Variants in UBE2G1 observed in about 807,000 individuals in gnomAD.
UBE2G1 encodes the protein ubiquitin-conjugating enzyme E2 G1.
Under a neutral mutation model 22.7 loss-of-function variants are expected in UBE2G1, and 5 were observed. The ratio of observed to expected loss-of-function variants is 0.22; its 90% confidence interval spans 0.12 to 0.46. UBE2G1 has a LOEUF of 0.46. Among genes scored for constraint, UBE2G1 ranks in the 20% least tolerant of loss-of-function variants. UBE2G1 has a pLI of 0.99. For synonymous variants in UBE2G1, 74 were observed against 67.5 expected, an observed-to-expected ratio of 1.10 and a Z score of -0.47; for missense variants, 88 against 203.9, an observed-to-expected ratio of 0.43 and a Z score of 3.46.
intron 1 of UBE2G1, among the ~76,000 whole-genome samples, chr17:4,362,780 T>C (rs1453660430): frequency 6.6e-6 from 1 of 152,146 alleles, no homozygotes; most frequent in East Asian, 1.9e-4. Context: ...CAGAATCGCT[T>C]GAACCTGGGA....
rs546763081 is a variant in UBE2G1, at chr17:4,332,071, T to C, written c.47-24948A>G. On this transcript the variant is annotated intron_variant, in intron 1 of 5. Coordinates refer to ENST00000396981, the MANE Select transcript of UBE2G1 (RefSeq NM_003342.5). Reference sequence around the variant, plus strand: ...CTTCACTGAATGCATTGTTCACTATTAGGCCTCTTGAATCACTGGTATTTG... The same window carrying C: ...CTTCACTGAATGCATTGTTCACTATCAGGCCTCTTGAATCACTGGTATTTG... 7.9e-5 allele frequency: 12 copies of C among 152,344 alleles called. No homozygotes were observed. The South Asian group carries it at 8.3e-4, about 11-fold the overall frequency. The allele number at this position is 152,344 out of a possible 1,614,324, so 9.4% of individuals were successfully genotyped here.
At chr17:4,307,712 CTG>C (rs1491266249) in intron 1 of UBE2G1, among the ~76,000 whole-genome samples, 17 of 152,284 alleles carry the variant, frequency 1.1e-4, no homozygotes, top group Admixed American at 1.0e-3. Flanking sequence ...TGTCGACCCT[CTG>C]AGAGCCACAG....
At chr17:4,358,014 G>C (rs904715326) in intron 1 of UBE2G1, among the ~76,000 whole-genome samples, 1 of 151,522 alleles carries the variant, frequency 6.6e-6, no homozygotes, top group African/African-American at 2.4e-5. Flanking sequence ...AAAAAAAAAA[G>C]CAAGCTGTTT....
Position 4,359,599 on chromosome 17 carries a change from G to A in UBE2G1, c.46+6672C>T, listed in dbSNP as rs557385701. Among the ~76,000 whole-genome samples the A allele has an allele frequency of 1.2e-4, 19 of 152,240 alleles. No individual in the cohort carries two copies. The South Asian group carries it at 3.3e-3, about 27-fold the overall frequency. ...AAAAACTTCTGATTAGACCGGGCGC[G>A]ATGGCTCACGCCTGTAATCCCAACA... On this transcript the variant is annotated intron_variant, in intron 1 of 5. Transcript: ENST00000396981.
rs1968748540 is a variant in UBE2G1, at chr17:4,270,807, A to G, written c.*1747T>C. ...TTCAGAGTAGAGGACAGGGACTTAGAAAAAAATCACTCTCTACTGTGACTA... is the reference window on the plus strand; with the variant it reads ...TTCAGAGTAGAGGACAGGGACTTAGGAAAAAATCACTCTCTACTGTGACTA... On this transcript the variant is annotated 3_prime_UTR_variant, in exon 6 of 6. Coordinates refer to ENST00000396981, the MANE Select transcript of UBE2G1 (RefSeq NM_003342.5). 6.6e-6 allele frequency: 1 copy of G among 152,198 alleles called. No individual in the cohort carries two copies. Among genetic ancestry groups the G allele is most frequent in the Non-Finnish European group, 1.5e-5 (1 of 68,038 alleles). The allele number at this position is 152,198 out of a possible 1,614,324, so 9.4% of individuals were successfully genotyped here.
intron 1 of UBE2G1, among the ~76,000 whole-genome samples, chr17:4,338,979 T>A (rs1567527055): frequency 6.6e-6 from 1 of 152,154 alleles, no homozygotes; most frequent in African/African-American, 2.4e-5. Context: ...CTGGTACCGC[T>A]CGGGAGTAGT....
intron 1 of UBE2G1, among the ~76,000 whole-genome samples, chr17:4,309,615 C>T (rs1301721674): frequency 2.6e-5 from 4 of 152,222 alleles, no homozygotes; most frequent in Admixed American, 1.3e-4. Context: ...GTGCAGCACA[C>T]ACAAATGCAC....
chr17:4,274,965 A>C (rs564586380), intron 5 of UBE2G1, among the ~76,000 whole-genome samples: 37 of 152,350 alleles, frequency 2.4e-4, no homozygotes, highest in Non-Finnish European at 4.6e-4. Flanking sequence ...TCAAGGCTGC[A>C]GTGAGACATG....
At chr17:4,285,586 A>C (rs758725989) in intron 4 of UBE2G1, among the ~76,000 whole-genome samples, 2 of 152,240 alleles carry the variant, frequency 1.3e-5, no homozygotes, top group Non-Finnish European at 2.9e-5. Flanking sequence ...CAAAAGATTC[A>C]ATTGAGAAGA....
intron 1 of UBE2G1, among the ~76,000 whole-genome samples, chr17:4,346,224 C>T (rs1457620906): frequency 6.6e-6 from 1 of 152,080 alleles, no homozygotes; most frequent in Non-Finnish European, 1.5e-5. Flanking sequence ...CAACAATAAC[C>T]ATGAATGCCT....
intron 1 of UBE2G1, chr17:4,345,654 C>A (rs959223934): frequency 6.6e-6 from 1 of 152,162 alleles, no homozygotes; most frequent in African/African-American, 2.4e-5. Flanking sequence ...GTCATAGTAA[C>A]GAGAGATATC....
At chr17:4,363,982 C>G (rs1429111178) in intron 1 of UBE2G1, among the ~76,000 whole-genome samples, 1 of 122,742 alleles carries the variant, frequency 8.1e-6, no homozygotes, top group African/African-American at 3.4e-5. Context: ...AAAAAAGATG[C>G]AGACGGGCAC....
At chr17:4,288,472 C>T (rs566141707) in intron 4 of UBE2G1, among the ~76,000 whole-genome samples, 16 of 152,216 alleles carry the variant, frequency 1.1e-4, no homozygotes, top group Middle Eastern at 3.4e-3. Flanking sequence ...GTGATCCACC[C>T]GCCTCGGCCT....
chr17:4,333,415 G>C (rs893260483), intron 1 of UBE2G1, among the ~76,000 whole-genome samples: 3 of 152,172 alleles, frequency 2.0e-5, no homozygotes, highest in African/African-American at 7.2e-5. Context: ...CGGTGGCTCT[G>C]TCTGTGATCC....
intron 1 of UBE2G1, among the ~76,000 whole-genome samples, chr17:4,356,403 A>G (rs894939079): frequency 9.9e-5 from 15 of 152,202 alleles, no homozygotes; most frequent in Non-Finnish European, 1.8e-4. Context: ...TTGTTTACAT[A>G]GTGCTACTAA....
rs551933222 is a variant in UBE2G1 at position 4,286,276 on chromosome 17, A to T, written c.426+2954T>A. Among the ~76,000 whole-genome samples the T allele has an allele frequency of 3.3e-5, 5 of 151,492 alleles. No individual in the cohort carries two copies. The East Asian group carries it at 5.9e-4, about 18-fold the overall frequency. On this transcript the variant is annotated intron_variant, in intron 4 of 5. Coordinates refer to ENST00000396981, the MANE Select transcript of UBE2G1 (RefSeq NM_003342.5). ...AAAAATTAGCCAGGCGTGGTGGCAGATGCCTGTAATCCCAGCTACTCGGGA... is the reference window on the plus strand; with the variant it reads ...AAAAATTAGCCAGGCGTGGTGGCAGTTGCCTGTAATCCCAGCTACTCGGGA...
intron 1 of UBE2G1, among the ~76,000 whole-genome samples, chr17:4,314,170 G>C (rs1969342014): frequency 6.6e-6 from 1 of 152,142 alleles, no homozygotes; most frequent in Non-Finnish European, 1.5e-5. Flanking sequence ...TTCTAAATAT[G>C]AATTTATCAC....
chr17:4,351,024 C>T (rs560784722), intron 1 of UBE2G1, among the ~76,000 whole-genome samples: 3 of 147,656 alleles, frequency 2.0e-5, no homozygotes, highest in South Asian at 4.3e-4. Flanking sequence ...CAGAGCAAGA[C>T]TTCGTCAAAA....
intron 1 of UBE2G1, among the ~76,000 whole-genome samples, chr17:4,317,857 G>A (rs571148715): frequency 2.0e-5 from 3 of 152,122 alleles, no homozygotes; most frequent in Non-Finnish European, 2.9e-5. Flanking sequence ...AAGATTTGTC[G>A]CAGCAGGAAC....
Sources: allele counts gnomAD v4.1 joint callset (sites outside exome capture counted in the v4.1 genomes callset), GRCh38; gene constraint gnomAD v4.1.1; transcripts MANE v1.5; gene names NCBI Gene and HGNC (gene_info 2026-07-23, HGNC 2026-07-21).